The following EGFLAM variants were observed in gnomAD, a reference collection of about 807,000 sequenced individuals.
The protein encoded by EGFLAM is EGF like, fibronectin type III and laminin G domains, also known as pikachurin.
EGFLAM carries 79 observed loss-of-function variants against 113.1 expected under a neutral mutation model. The observed-to-expected ratio is 0.70, with a 90% CI of 0.58 to 0.84. The LOEUF (loss-of-function observed/expected upper bound fraction) is 0.84, where lower values mean the gene tolerates loss of function less well. Ranked by LOEUF, EGFLAM falls within the 40% of genes least tolerant of loss-of-function variation. The pLI is 0.00. For missense variants in EGFLAM, 1,265 were observed against 1,291.6 expected (o/e 0.98, Z 0.32); for synonymous variants, 504 against 487.6 (o/e 1.03, Z -0.44).
intron 14 of EGFLAM, 70 bp from the exon 15 acceptor site, chr5:38,431,107 C>T: frequency 6.1e-6 from 8 of 1,316,484 alleles, no homozygotes; most frequent in Non-Finnish European, 8.6e-6. Context: ...AATGTTGTAC[C>T]AGCTATCTGG....
intron 6 of EGFLAM, among the ~76,000 whole-genome samples, chr5:38,382,186 T>C (rs912056265): frequency 6.6e-6 from 1 of 152,232 alleles, no homozygotes; most frequent in African/African-American, 2.4e-5. Flanking sequence ...CATCTAGGTA[T>C]AGCCACTATT....
chr5:38,458,522 G>A, intron 20 of EGFLAM, 128 bp downstream of exon 20: 1 of 796,128 alleles, frequency 1.3e-6, no homozygotes, highest in South Asian at 2.2e-5. Context: ...CCCTGATCCA[G>A]GGCATTCAGG....
chr5:38,315,864 T>A (rs1579762799), intron 1 of EGFLAM, among the ~76,000 whole-genome samples: 1 of 152,074 alleles, frequency 6.6e-6, no homozygotes, highest in African/African-American at 2.4e-5. Flanking sequence ...CCACCTGAGG[T>A]CAGGAGTTCG....
intron 6 of EGFLAM, among the ~76,000 whole-genome samples, chr5:38,375,404 T>G (rs1345775574): frequency 1.3e-5 from 2 of 152,180 alleles, no homozygotes; most frequent in Non-Finnish European, 2.9e-5. Context: ...TTGGCTTGAT[T>G]TAATGCCCAC....
intron 3 of EGFLAM, among the ~76,000 whole-genome samples, chr5:38,344,493 A>G (rs1442281532): frequency 2.6e-5 from 4 of 152,168 alleles, no homozygotes; most frequent in Admixed American, 2.6e-4. Context: ...CAAAAAAAAA[A>G]AAAAAAAGAA....
chr5:38,356,182 A>C (rs199720376), intron 5 of EGFLAM, among the ~76,000 whole-genome samples: 4 of 152,224 alleles, frequency 2.6e-5, no homozygotes, highest in Admixed American at 1.3e-4. Context: ...GAATTCTTAT[A>C]GTCGTTGAAT....
intron 13 of EGFLAM, among the ~76,000 whole-genome samples, chr5:38,426,105 G>GAA (rs34149274): frequency 0.078 from 11,072 of 142,182 alleles, 777 homozygotes; most frequent in African/African-American, 0.19. Flanking sequence ...TCCATCTTGG[G>GAA]AAAAAAAAAA....
chr5:38,420,868 G>C (rs1208847677), intron 12 of EGFLAM, among the ~76,000 whole-genome samples: 1 of 152,174 alleles, frequency 6.6e-6, no homozygotes, highest in East Asian at 1.9e-4. Flanking sequence ...GTGGGCTTCA[G>C]CTCCCTGGAT....
chr5:38,337,069 T>A (rs1739205979), intron 1 of EGFLAM, among the ~76,000 whole-genome samples: 1 of 152,228 alleles, frequency 6.6e-6, no homozygotes, highest in African/African-American at 2.4e-5. Context: ...ATAACTATAT[T>A]TTTTAAATGT....
At chr5:38,438,026 G>A (rs1478956372) in intron 16 of EGFLAM, among the ~76,000 whole-genome samples, 2 of 151,272 alleles carry the variant, frequency 1.3e-5, no homozygotes, top group African/African-American at 4.9e-5. Context: ...GGAGGCTGAG[G>A]CAGGAGAATT....
At chr5:38,372,774 A>G (rs1740258859) in intron 6 of EGFLAM, among the ~76,000 whole-genome samples, 1 of 152,224 alleles carries the variant, frequency 6.6e-6, no homozygotes, top group Non-Finnish European at 1.5e-5. Flanking sequence ...AACAAAATTT[A>G]TTAGATGACC....
chr5:38,319,954 A>G (rs547618581), intron 1 of EGFLAM, among the ~76,000 whole-genome samples: 1 of 152,362 alleles, frequency 6.6e-6, no homozygotes, highest in Non-Finnish European at 1.5e-5. Flanking sequence ...ATCCTCTCCA[A>G]TTAGGAATTA....
chr5:38,326,774 G>C, intron 1 of EGFLAM, among the ~76,000 whole-genome samples: 1 of 149,990 alleles, frequency 6.7e-6, no homozygotes, highest in African/African-American at 2.5e-5. Context: ...TTACAGGCGT[G>C]AGCCACCGCG....
At chr5:38,313,545 A>G (rs1738510577) in intron 1 of EGFLAM, among the ~76,000 whole-genome samples, 1 of 152,220 alleles carries the variant, frequency 6.6e-6, no homozygotes, top group African/African-American at 2.4e-5. Context: ...ATACTAGGGC[A>G]TATTAGTATA....
intron 1 of EGFLAM, among the ~76,000 whole-genome samples, chr5:38,330,280 G>A (rs1305300164): frequency 5.3e-5 from 8 of 152,162 alleles, no homozygotes; most frequent in Non-Finnish European, 1.0e-4. Flanking sequence ...AGGGAAGGCC[G>A]GAGTGAGGTG....
chr5:38,442,393 T>C (rs1377025713), intron 17 of EGFLAM, among the ~76,000 whole-genome samples: 1 of 147,568 alleles, frequency 6.8e-6, no homozygotes, highest in African/African-American at 2.5e-5. Context: ...ATACTAAATA[T>C]GAAATTTTAA....
At chr5:38,425,939 C>T (rs1741991594) in intron 13 of EGFLAM, among the ~76,000 whole-genome samples, 1 of 152,114 alleles carries the variant, frequency 6.6e-6, no homozygotes, top group Admixed American at 6.5e-5. Flanking sequence ...TCCGTTTCTA[C>T]TAAAAATACA....
chr5:38,360,005 TA>T (rs1648499260), intron 5 of EGFLAM, among the ~76,000 whole-genome samples: 1 of 152,218 alleles, frequency 6.6e-6, no homozygotes, highest in African/African-American at 2.4e-5. Context: ...GTGGGTTTTT[TA>T]AAGTATTACT....
chr5:38,274,822 G>T (rs1231917617), intron 1 of EGFLAM, among the ~76,000 whole-genome samples: 1 of 152,180 alleles, frequency 6.6e-6, no homozygotes, highest in Non-Finnish European at 1.5e-5. Context: ...AATACTGTAA[G>T]GTGGTGTATA....
Sources: gnomAD v4.1 joint callset for allele counts (sites outside exome capture counted in the v4.1 genomes callset) on GRCh38, gnomAD v4.1.1 for gene constraint, MANE v1.5 for transcripts, NCBI Gene and HGNC (gene_info 2026-07-23, HGNC 2026-07-21) for gene names.